Variants in KLHL5 observed in about 807,000 individuals in gnomAD.
KLHL5 encodes the protein kelch-like protein 5.
KLHL5 carries 48 observed loss-of-function variants against 77.7 expected under a neutral mutation model. The ratio of observed to expected loss-of-function variants is 0.62; its 90% CI spans 0.49 to 0.79. The LOEUF is 0.79. Ranked by LOEUF, KLHL5 falls within the 30% of genes least tolerant of loss-of-function variation. KLHL5 has a pLI of 0.00. For synonymous variants in KLHL5, 260 were observed against 297.0 expected, an observed-to-expected ratio of 0.88 and a Z score of 1.28; for missense variants, 723 against 859.7, an observed-to-expected ratio of 0.84 and a Z score of 1.99.
At chr4:39,057,666 C>T (rs9884756), upstream of KLHL5, among the ~76,000 whole-genome samples, 4,311 of 152,098 alleles carry the variant, frequency 0.028, 176 homozygotes, top group African/African-American at 0.097. Flanking sequence ...GCAACTTACT[C>T]TTTTTATAAC....
At chr4:39,131,647 T>C (rs1723804521), downstream of KLHL5, among the ~76,000 whole-genome samples, 1 of 151,998 alleles carries the variant, frequency 6.6e-6, no homozygotes, top group South Asian at 2.1e-4. Flanking sequence ...TCCTAGCACT[T>C]TGGGAGGCCC....
At chr4:39,114,138 C>G (rs1303130434) in intron 9 of KLHL5, among the ~76,000 whole-genome samples, 1 of 152,150 alleles carries the variant, frequency 6.6e-6, no homozygotes, top group East Asian at 1.9e-4. Context: ...ATTGCTATAA[C>G]AGAATATCCA....
chr4:39,092,612 T>A (rs1341750287), intron 5 of KLHL5, among the ~76,000 whole-genome samples: 2 of 152,300 alleles, frequency 1.3e-5, no homozygotes, highest in Middle Eastern at 3.4e-3. Flanking sequence ...GTGGAGTAAT[T>A]AATACCAAAA....
chr4:39,097,645 A>G (rs1019872279), intron 6 of KLHL5, among the ~76,000 whole-genome samples: 3 of 152,226 alleles, frequency 2.0e-5, no homozygotes, highest in African/African-American at 4.8e-5. Flanking sequence ...TTATCTGTCT[A>G]TAGTATTCAA....
chr4:39,102,489 C>T (rs114088304), intron 6 of KLHL5, among the ~76,000 whole-genome samples: 2,072 of 133,508 alleles, frequency 0.016, 47 homozygotes, highest in African/African-American at 0.054. Context: ...ACTTACCCCG[C>T]CCTTGCTTAT....
chr4:39,079,361 A>G (rs761202489), intron 2 of KLHL5, among the ~76,000 whole-genome samples: 7 of 152,178 alleles, frequency 4.6e-5, no homozygotes, highest in Non-Finnish European at 1.0e-4. Context: ...AATGGCGTAC[A>G]CGATCCAGCC....
At chr4:39,103,002 C>T (rs989569961) in intron 6 of KLHL5, among the ~76,000 whole-genome samples, 1 of 152,154 alleles carries the variant, frequency 6.6e-6, no homozygotes, top group African/African-American at 2.4e-5. Context: ...CTTAACGCCT[C>T]TGCTTTTTTC....
the KLHL5 span, among the ~76,000 whole-genome samples, chr4:39,141,740 C>T: frequency 1.3e-5 from 2 of 151,584 alleles, no homozygotes; most frequent in Non-Finnish European, 2.9e-5. Context: ...GAGTTCGAGA[C>T]CAGCCTGGGC....
chr4:39,115,555 A>C, intron 10 of KLHL5: 2 of 1,453,786 alleles, frequency 1.4e-6, no homozygotes, highest in South Asian at 3.0e-5. Flanking sequence ...GAAATTATTA[A>C]TTATCTGCTA....
At position 39,125,325 on chromosome 4, in the gene KLHL5, C is replaced by T. The variant is rs1374002762; in HGVS notation, c.*4259C>T. On this transcript the variant is annotated 3_prime_UTR_variant, in exon 11 of 11. Coordinates refer to ENST00000504108, the MANE Select transcript of KLHL5 (RefSeq NM_015990.5). ...AAAAAAGAATTACCATATGACCCAG[C>T]AAGTCCACTCCTGGGCATATACTGA... Among the ~76,000 whole-genome samples, 1 of 152,138 alleles carries T rather than the reference C, an allele frequency of 6.6e-6. No individual in the cohort carries two copies. The highest frequency in any genetic ancestry group is 6.6e-5 in the Admixed American group (1 of 15,266).
chr4:39,113,024 T>C lies in KLHL5; in HGVS notation c.1693T>C (p.Tyr565His). The C allele has an allele frequency of 1.2e-6, 2 of 1,612,812 alleles. No homozygotes were observed. The highest frequency in any genetic ancestry group is 1.1e-5 in the South Asian group (1 of 91,012). ...VGVAVLSGKL[Y>H]AVGGRDGSSC... ...TTTCATATATTCTTTTTGCAGACTT[T>C]ATGCAGTTGGTGGTCGTGATGGAAG... Residue 565 changes from tyrosine (Y) to histidine (H), a missense_variant, in exon 9 of 11, where the codon TAT becomes CAT. Tyr to His is a moderately conservative substitution (Grantham distance 83, BLOSUM62 2). Coordinates refer to ENST00000504108, the MANE Select transcript of KLHL5 (RefSeq NM_015990.5).
chr4:39,120,153 C>T (rs1002685634), intron 10 of KLHL5: 3 of 152,106 alleles, frequency 2.0e-5, no homozygotes, highest in Admixed American at 6.6e-5. Context: ...ATTACTCACC[C>T]GCTGAATCCA....
the KLHL5 span, among the ~76,000 whole-genome samples, chr4:39,139,531 TA>T: frequency 6.6e-6 from 1 of 152,066 alleles, no homozygotes; most frequent in Non-Finnish European, 1.5e-5. Flanking sequence ...GACCCTAATA[TA>T]AACTGTGGAC....
intron 8 of KLHL5, among the ~76,000 whole-genome samples, chr4:39,108,986 T>G (rs1275183622): frequency 6.6e-6 from 1 of 152,234 alleles, no homozygotes; most frequent in Non-Finnish European, 1.5e-5. Context: ...TAATGAGAAA[T>G]ATTTCAATCC....
chr4:39,088,819 C>A (rs1393362588), intron 5 of KLHL5, among the ~76,000 whole-genome samples: 1 of 152,112 alleles, frequency 6.6e-6, no homozygotes, highest in East Asian at 1.9e-4. Flanking sequence ...GGAGCTTGTA[C>A]TTCATCATGA....
chr4:39,080,982 TA>T, intron 2 of KLHL5, 120 bp from the exon 3 acceptor site: 1 of 920,464 alleles, frequency 1.1e-6, no homozygotes, highest in Non-Finnish European at 1.6e-6. Context: ...TTGTCAAGCT[TA>T]AAATGCATTT....
At chr4:39,113,268 GATAT>G (rs780859900) in intron 9 of KLHL5, 36 bp downstream of exon 9, 1 of 1,525,476 alleles carries the variant, frequency 6.6e-7, no homozygotes, top group South Asian at 1.1e-5. Flanking sequence ...GAACAAAAAA[GATAT>G]ATATAAGTCT....
chr4:39,140,387 T>C, the KLHL5 span, among the ~76,000 whole-genome samples: 1 of 152,176 alleles, frequency 6.6e-6, no homozygotes, highest in Non-Finnish European at 1.5e-5. Flanking sequence ...ACTTTTATGA[T>C]TGTATTATGG....
At chr4:39,141,878 GAGAAC>G in the KLHL5 span, among the ~76,000 whole-genome samples, 1 of 152,334 alleles carries the variant, frequency 6.6e-6, no homozygotes, top group African/African-American at 2.4e-5. Flanking sequence ...TGAATCATGA[GAGAAC>G]ATGAGCAAAT....
Sources: gnomAD v4.1 joint callset for allele counts (sites outside exome capture counted in the v4.1 genomes callset) on GRCh38, gnomAD v4.1.1 for gene constraint, MANE v1.5 for transcripts, NCBI Gene and HGNC (gene_info 2026-07-23, HGNC 2026-07-21) for gene names.